The following MSI2 variants were observed in gnomAD, a reference collection of about 807,000 sequenced individuals.
MSI2 encodes the protein RNA-binding protein Musashi homolog 2.
MSI2 carries 17 observed loss-of-function variants against 45.6 expected under a neutral mutation model. The observed-to-expected ratio is 0.37, with a 90% CI of 0.26 to 0.56. The LOEUF (loss-of-function observed/expected upper bound fraction) is 0.56. Ranked by LOEUF, MSI2 falls within the 20% of genes least tolerant of loss-of-function variation. The pLI is 0.77. For missense variants in MSI2, 293 were observed against 444.2 expected, an observed-to-expected ratio of 0.66 and a Z score of 3.06; for synonymous variants, 156 against 158.2, an observed-to-expected ratio of 0.99 and a Z score of 0.11.
chr17:57,632,952 A>AT, intron 10 of MSI2: 1 of 1,054,164 alleles, frequency 9.5e-7, no homozygotes, highest in Non-Finnish European at 1.1e-6. Context: ...CATGAGTATT[A>AT]TTTTTTTCAA....
At chr17:57,396,497 T>C (rs1264857034) in intron 5 of MSI2, among the ~76,000 whole-genome samples, 3 of 152,036 alleles carry the variant, frequency 2.0e-5, no homozygotes, top group Non-Finnish European at 2.9e-5. Context: ...TAGTGACCGT[T>C]TCTGATGCAA....
chr17:57,257,041 C>A (rs1371090283), intron 1 of MSI2, 57 bp from the exon 2 acceptor site: 39 of 1,523,432 alleles, frequency 2.6e-5, no homozygotes, highest in Non-Finnish European at 3.3e-5. Context: ...GTAAGTTACA[C>A]GTCAAAATGG....
intron 5 of MSI2, among the ~76,000 whole-genome samples, chr17:57,274,863 T>C (rs1908707053): frequency 6.6e-6 from 1 of 152,158 alleles, no homozygotes; most frequent in African/African-American, 2.4e-5. Flanking sequence ...GTTCCAGCCT[T>C]TCTGGGTTTC....
Position 57,675,137 on chromosome 17 carries a change from G to T in MSI2, c.945+11G>T, listed in dbSNP as rs1913133181. ...GGCCACGGCATAGCTGTAAGTACCTGCCTTCCCCTGCCCTCCTGCCTCCTC... is the reference window on the plus strand; with the variant it reads ...GGCCACGGCATAGCTGTAAGTACCTTCCTTCCCCTGCCCTCCTGCCTCCTC... On this transcript the variant is annotated intron_variant, in intron 12 of 13. Transcript: ENST00000284073. 6.2e-7 allele frequency: 1 copy of T among 1,607,632 alleles called. No individual in the cohort carries two copies. The highest frequency in any genetic ancestry group is 1.1e-5 in the South Asian group (1 of 89,950).
chr17:57,501,930 TTATAG>T (rs2086115385), intron 6 of MSI2, among the ~76,000 whole-genome samples: 1 of 152,210 alleles, frequency 6.6e-6, no homozygotes, highest in South Asian at 2.1e-4. Flanking sequence ...TTTTTGAAAC[TTATAG>T]TAGAGACAGT....
intron 13 of MSI2, 44 bp from the exon 14 acceptor site, chr17:57,679,505 T>C (rs4793561): frequency 0.87 from 897,213 of 1,026,264 alleles, 392,546 homozygotes; most frequent in East Asian, 0.99. Flanking sequence ...CTCCCCTCCA[T>C]TTTATGTTTT....
chr17:57,368,432 T>G (rs2083372570), intron 5 of MSI2, among the ~76,000 whole-genome samples: 1 of 151,984 alleles, frequency 6.6e-6, no homozygotes, highest in Non-Finnish European at 1.5e-5. Flanking sequence ...GGTGGGCGCC[T>G]GTAATCCCAG....
chr17:57,318,275 C>G (rs978652901), intron 5 of MSI2, among the ~76,000 whole-genome samples: 1 of 152,018 alleles, frequency 6.6e-6, no homozygotes, highest in African/African-American at 2.4e-5. Flanking sequence ...GTGGGAGACC[C>G]GGGGAGGTTT....
At chr17:57,404,489 G>A (rs2084048093) in intron 6 of MSI2, among the ~76,000 whole-genome samples, 1 of 152,198 alleles carries the variant, frequency 6.6e-6, no homozygotes, top group African/African-American at 2.4e-5. Context: ...GGGCCAGGGA[G>A]GCTGAGTGTC....
At chr17:57,489,086 C>T (rs886151197) in intron 6 of MSI2, among the ~76,000 whole-genome samples, 17 of 152,140 alleles carry the variant, frequency 1.1e-4, no homozygotes, top group Non-Finnish European at 1.8e-4. Context: ...TCATGAAGAG[C>T]CTTGGGTTCT....
At chr17:57,406,670 G>A (rs775149216) in intron 6 of MSI2, 1 of 152,148 alleles carries the variant, frequency 6.6e-6, no homozygotes, top group Non-Finnish European at 1.5e-5. Flanking sequence ...TATCCTAATC[G>A]GCTTTGGCTT....
At chr17:57,404,734 GGCTGA>G (rs760350530) in intron 6 of MSI2, among the ~76,000 whole-genome samples, 2 of 152,080 alleles carry the variant, frequency 1.3e-5, no homozygotes, top group Admixed American at 6.5e-5. Flanking sequence ...GCTATCAAGG[GGCTGA>G]GCTAAGGGAG....
At chr17:57,492,998 GTAGGA>G (rs1176758479) in intron 6 of MSI2, among the ~76,000 whole-genome samples, 3 of 152,314 alleles carry the variant, frequency 2.0e-5, no homozygotes, top group African/African-American at 7.2e-5. Flanking sequence ...GTGAGCCAGC[GTAGGA>G]TGGGGTAGGG....
At chr17:57,335,126 T>G (rs1483208001) in intron 5 of MSI2, among the ~76,000 whole-genome samples, 1 of 152,222 alleles carries the variant, frequency 6.6e-6, no homozygotes, top group Non-Finnish European at 1.5e-5. Context: ...TCTCTGGACA[T>G]ATTTTGGCTT....
intron 7 of MSI2, among the ~76,000 whole-genome samples, chr17:57,590,132 T>C (rs1232984511): frequency 6.6e-6 from 1 of 152,246 alleles, no homozygotes; most frequent in Non-Finnish European, 1.5e-5. Context: ...GGTTTTTTCC[T>C]CCCTCATTTT....
At position 57,280,726 on chromosome 17, in the gene MSI2, A is replaced by G. The variant is rs1598064757; in HGVS notation, c.312+18534A>G. Among the ~76,000 whole-genome samples, 1 of 152,200 alleles carries G rather than the reference A, an allele frequency of 6.6e-6. No individual in the cohort carries two copies. The highest frequency in any genetic ancestry group is 2.4e-5 in the African/African-American group (1 of 41,450). The stretch of plus-strand genomic sequence containing the variant: ...TTGTTTTTGAGCTTGCACTGTATAC[A>G]TATTTATTTATAAATGACATACATA... On this transcript the variant is annotated intron_variant, in intron 5 of 13. Transcript: ENST00000284073. This position sits in a 1 kb window ranked among gnomAD's most constrained non-coding sequence, Gnocchi z 4.2.
At chr17:57,623,968 G>T (rs1410042145) in intron 9 of MSI2, among the ~76,000 whole-genome samples, 1 of 152,242 alleles carries the variant, frequency 6.6e-6, no homozygotes, top group African/African-American at 2.4e-5. Context: ...GGCAGATGCC[G>T]AATTCTCATC....
chr17:57,563,989 C>T (rs781756696), intron 7 of MSI2, among the ~76,000 whole-genome samples: 2 of 152,176 alleles, frequency 1.3e-5, no homozygotes, highest in Non-Finnish European at 2.9e-5. Flanking sequence ...TCCTCTGAGG[C>T]GTGTCACATT....
At chr17:57,701,050 C>A in the MSI2 span, among the ~76,000 whole-genome samples, 136,376 of 152,286 alleles carry the variant, frequency 0.9, 61,204 homozygotes, top group African/African-American at 0.92. Context: ...CCAAGAGCCC[C>A]AGACAGAGTT....
Sources: gnomAD v4.1 joint callset for allele counts (sites outside exome capture counted in the v4.1 genomes callset) on GRCh38, gnomAD v4.1.1 for gene constraint, Gnocchi (gnomAD v3.1) non-coding constraint, MANE v1.5 for transcripts, NCBI Gene and HGNC (gene_info 2026-07-23, HGNC 2026-07-21) for gene names.